The following CRACDL variants were observed in gnomAD, a reference collection of about 807,000 sequenced individuals.
The protein encoded by CRACDL is CRACD-like protein.
CRACDL carries 26 observed loss-of-function variants against 70.6 expected under a neutral mutation model. The ratio of observed to expected loss-of-function variants is 0.37; its 90% CI spans 0.27 to 0.51. The LOEUF (loss-of-function observed/expected upper bound fraction) is 0.51. Ranked by LOEUF, CRACDL falls within the 20% of genes least tolerant of loss-of-function variation. CRACDL has a pLI of 0.94. For synonymous variants in CRACDL, 618 were observed against 615.2 expected (o/e 1.00, Z -0.07); for missense variants, 1,283 against 1,376.9 (o/e 0.93, Z 1.08).
At chr2:98,846,626 C>G (rs1476739000) in intron 2 of CRACDL, 105 bp downstream of exon 2, 1 of 899,694 alleles carries the variant, frequency 1.1e-6, no homozygotes, top group Non-Finnish European at 1.8e-6. Flanking sequence ...AACTAAATCC[C>G]CACTTTTCAT....
chr2:98,855,453 G>T (rs898111388), intron 1 of CRACDL, among the ~76,000 whole-genome samples: 24 of 152,032 alleles, frequency 1.6e-4, no homozygotes, highest in Admixed American at 3.3e-4. Flanking sequence ...TGGTAAATCT[G>T]ACTAAAAATT....
Position 98,882,068 on chromosome 2 carries a change from T to G in CRACDL, c.-10-35258A>C, listed in dbSNP as rs867879859. ...TGGTTCCACGTCCCATACGACAGTC[T>G]CCAGAACAAAAGGTTTTCCTTTGAG... On this transcript the variant is annotated intron_variant, in intron 1 of 9. Transcript: ENST00000397899. 2.1e-4 allele frequency among the ~76,000 whole-genome samples: 32 copies of G among 152,160 alleles called. 1 individual carries two copies. The highest frequency in any genetic ancestry group is 7.2e-4 in the African/African-American group (30 of 41,438).
intron 1 of CRACDL, among the ~76,000 whole-genome samples, chr2:98,914,829 G>A (rs1237625524): frequency 6.6e-6 from 1 of 152,238 alleles, no homozygotes; most frequent in East Asian, 1.9e-4. Context: ...TGGGCAGCCA[G>A]CCTCTCTTCC....
chr2:98,912,815 A>G (rs936049681), intron 1 of CRACDL: 2 of 152,350 alleles, frequency 1.3e-5, no homozygotes, highest in African/African-American at 4.8e-5. Context: ...GCATCAGTCA[A>G]TGGCCAGGGG....
chr2:98,906,295 C>T (rs1708413820), intron 1 of CRACDL, among the ~76,000 whole-genome samples: 1 of 147,332 alleles, frequency 6.8e-6, no homozygotes, highest in Non-Finnish European at 1.5e-5. Context: ...CAGAGTTTCG[C>T]TCTGTCATCA....
chr2:98,826,919 A>AG (rs1295891062), intron 6 of CRACDL, 56 bp downstream of exon 6: 6 of 1,175,368 alleles, frequency 5.1e-6, no homozygotes, highest in African/African-American at 2.9e-5. Flanking sequence ...GGGGGGGCAT[A>AG]GGGGGGTGCC....
At position 98,796,321 on chromosome 2, in the gene CRACDL, C is replaced by T; in HGVS notation, c.2605-57G>A. 1.9e-6 allele frequency: 3 copies of T among 1,565,886 alleles called. No homozygotes were observed. The Admixed American group carries it at 5.0e-5, about 26-fold the overall frequency. On this transcript the variant is annotated intron_variant, in intron 8 of 9. Transcript: ENST00000397899. ...TAACAATGATTCAGACAGGGGCAAA[C>T]ACATCCAAAGTGAAGGAGCTGCAAA...
chr2:98,845,874 T>C, intron 2 of CRACDL, among the ~76,000 whole-genome samples: 2 of 152,218 alleles, frequency 1.3e-5, no homozygotes, highest in East Asian at 3.8e-4. Context: ...ATGGTTCTAA[T>C]ATGAAATAAT....
chr2:98,897,282 C>T, intron 1 of CRACDL: 1 of 697,490 alleles, frequency 1.4e-6, no homozygotes, highest in Non-Finnish European at 2.2e-6. Context: ...GTTGCATGTA[C>T]CGGTGGTTTG....
intron 1 of CRACDL, among the ~76,000 whole-genome samples, chr2:98,892,561 G>A (rs1361097162): frequency 6.6e-6 from 1 of 151,754 alleles, no homozygotes; most frequent in East Asian, 1.9e-4. Flanking sequence ...GTGGCGGCAG[G>A]CACCTGTAGT....
intron 1 of CRACDL, among the ~76,000 whole-genome samples, chr2:98,870,859 C>A (rs1175533477): frequency 6.6e-6 from 1 of 152,218 alleles, no homozygotes; most frequent in African/African-American, 2.4e-5. Flanking sequence ...CGTGGAAGCC[C>A]AGCATACAGG....
intron 1 of CRACDL, among the ~76,000 whole-genome samples, chr2:98,906,522 A>G (rs1708419265): frequency 1.4e-5 from 2 of 144,882 alleles, no homozygotes; most frequent in Admixed American, 1.5e-4. Context: ...TCGGCCTCCC[A>G]AAGTGCTGGG....
chr2:98,812,961 TA>T (rs1378500796), intron 7 of CRACDL, among the ~76,000 whole-genome samples: 2 of 152,358 alleles, frequency 1.3e-5, no homozygotes, highest in African/African-American at 2.4e-5. Flanking sequence ...TATTTTCTCA[TA>T]TTTTTTTCTA....
At chr2:98,922,642 T>C (rs1708831360) in intron 1 of CRACDL, among the ~76,000 whole-genome samples, 1 of 152,072 alleles carries the variant, frequency 6.6e-6, no homozygotes, top group South Asian at 2.1e-4. Context: ...TATGATGCCA[T>C]GCAGCTCCAA....
At position 98,865,009 on chromosome 2, in the gene CRACDL, A is replaced by G. The variant is rs140958713; in HGVS notation, c.-10-18199T>C. ...CAACTGTTACAGGAAGAGGGATGCAATCTCATGGAGAAGACTGGAGGTGCA... is the reference window on the plus strand; with the variant it reads ...CAACTGTTACAGGAAGAGGGATGCAGTCTCATGGAGAAGACTGGAGGTGCA... On this transcript the variant is annotated intron_variant, in intron 1 of 9. Transcript: ENST00000397899. Among the ~76,000 whole-genome samples the G allele has an allele frequency of 2.5e-3, 382 of 152,334 alleles. 1 individual carries two copies. Among genetic ancestry groups the G allele is most frequent in the African/African-American group, 8.4e-3 (349 of 41,574 alleles).
chr2:98,816,046 G>GT (rs1253318653), intron 7 of CRACDL, among the ~76,000 whole-genome samples: 1 of 151,728 alleles, frequency 6.6e-6, no homozygotes, highest in African/African-American at 2.4e-5. Flanking sequence ...GGGGCTGGTG[G>GT]TGGGGGGGTG....
intron 1 of CRACDL, among the ~76,000 whole-genome samples, chr2:98,849,273 G>A (rs1008202925): frequency 6.6e-6 from 1 of 152,244 alleles, no homozygotes; most frequent in African/African-American, 2.4e-5. Flanking sequence ...CCACTGTGAT[G>A]TGTCAGCTAA....
At chr2:98,824,902 T>C (rs1432419372) in intron 6 of CRACDL, among the ~76,000 whole-genome samples, 1 of 152,218 alleles carries the variant, frequency 6.6e-6, no homozygotes, top group Admixed American at 6.5e-5. Flanking sequence ...GCAGGTTCTT[T>C]ACTTTGCCAT....
intron 7 of CRACDL, among the ~76,000 whole-genome samples, chr2:98,799,815 G>C (rs920580115): frequency 2.6e-5 from 4 of 152,068 alleles, no homozygotes; most frequent in African/African-American, 9.7e-5. Flanking sequence ...CTTCACCCCT[G>C]CAGCTCTGAC....
Sources: gnomAD v4.1 joint callset for allele counts (sites outside exome capture counted in the v4.1 genomes callset) on GRCh38, gnomAD v4.1.1 for gene constraint, MANE v1.5 for transcripts, NCBI Gene and HGNC (gene_info 2026-07-23, HGNC 2026-07-21) for gene names.